SVIL: variants seen among roughly 807,000 people sequenced by gnomAD.
The protein encoded by SVIL is supervillin.
A neutral mutation model predicts 240.4 loss-of-function variants in SVIL; 101 were observed. The ratio of observed to expected loss-of-function variants is 0.42; its 90% CI spans 0.36 to 0.50. SVIL has a LOEUF of 0.50. SVIL is among the 20% of genes least tolerant of loss of function. The probability of loss-of-function intolerance (pLI) is 0.01; values close to 1 mark genes in which losing one functional copy is unlikely to be tolerated. For missense variants in SVIL, 2,512 were observed against 2,818.7 expected (o/e 0.89, Z 2.46); for synonymous variants, 999 against 1,100.0 (o/e 0.91, Z 1.82).
intron 3 of SVIL, among the ~76,000 whole-genome samples, chr10:29,557,465 G>T (rs76138189): frequency 2.6e-5 from 4 of 152,052 alleles, no homozygotes; most frequent in Admixed American, 2.6e-4. Flanking sequence ...AATAAACCGA[G>T]TATCATGTAA....
chr10:29,567,284 T>C (rs1455928587), intron 2 of SVIL, among the ~76,000 whole-genome samples: 1 of 152,210 alleles, frequency 6.6e-6, no homozygotes, highest in Non-Finnish European at 1.5e-5. Flanking sequence ...TCTCTGTTTT[T>C]CACAACGTGG....
At chr10:29,732,929 T>C (rs1315092362) in intron 1 of SVIL, among the ~76,000 whole-genome samples, 2 of 151,912 alleles carry the variant, frequency 1.3e-5, no homozygotes, top group Non-Finnish European at 2.9e-5. Context: ...GAAAGGGAAA[T>C]GGCTGAAAGG....
At chr10:29,625,170 A>G (rs1957815629) in intron 1 of SVIL, among the ~76,000 whole-genome samples, 6 of 152,310 alleles carry the variant, frequency 3.9e-5, no homozygotes, top group Admixed American at 3.3e-4. Context: ...ATCCAATGTT[A>G]CTAAACTCCT....
At chr10:29,667,936 C>G (rs79942878) in intron 2 of SVIL, among the ~76,000 whole-genome samples, 3,429 of 151,992 alleles carry the variant, frequency 0.023, 123 homozygotes, top group African/African-American at 0.074. Flanking sequence ...ATCTGACTTT[C>G]TAAAAGCAGC....
intron 1 of SVIL, among the ~76,000 whole-genome samples, chr10:29,699,550 C>T (rs1962345025): frequency 6.6e-6 from 1 of 152,184 alleles, no homozygotes. Context: ...ATGATCCACC[C>T]TCCTTGGCCT....
At chr10:29,637,272 G>A (rs1054012351), upstream of SVIL, among the ~76,000 whole-genome samples, 1 of 152,146 alleles carries the variant, frequency 6.6e-6, no homozygotes, top group Non-Finnish European at 1.5e-5. Flanking sequence ...ATCACCTGAG[G>A]TCAGGAGTTC....
At chr10:29,558,957 G>T (rs1954199907) in intron 3 of SVIL, among the ~76,000 whole-genome samples, 1 of 147,220 alleles carries the variant, frequency 6.8e-6, no homozygotes, top group African/African-American at 2.5e-5. Context: ...AAAAAATATG[G>T]TTTATATTAT....
In SVIL at chr10:29,490,910, C is replaced by T. The variant is rs143355529; in HGVS notation, c.4129G>A (p.Glu1377Lys). 2.5e-4 allele frequency: 405 copies of T among 1,614,000 alleles called. 7 individuals are homozygous for T. In the East Asian group the frequency reaches 7.7e-3, roughly 31 times the overall value. Reference sequence around the variant, plus strand: ...ACGTTTAATCTCTGCTCAGTGTATTCCTGAAGGAGATCTTCTCTTGCCGCC... The same window carrying T: ...ACGTTTAATCTCTGCTCAGTGTATTTCTGAAGGAGATCTTCTCTTGCCGCC... ...MLAAREDLLQ[E>K]YTEQRLNVAF... The change falls in exon 22 of 38, where the codon GAA becomes AAA. Residue 1377 changes from glutamate (E) to lysine (K), a missense_variant. Coordinates refer to ENST00000355867, the MANE Select transcript of SVIL (RefSeq NM_021738.3).
At position 29,551,083 on chromosome 10, in the gene SVIL, C is replaced by T. The variant is rs752184901; in HGVS notation, c.341G>A (p.Arg114Gln). Residue 114 changes from arginine (R) to glutamine (Q), a missense_variant, in exon 6 of 38, where the codon CGA (arginine) becomes CAA (glutamine). Physicochemically the swap from Arg to Gln is conservative, Grantham distance 43. This residue lies in a region of SVIL where 1,443 missense variants were observed against 1,486.6 expected (regional missense o/e 0.97). Coordinates refer to ENST00000355867, the MANE Select transcript of SVIL (RefSeq NM_021738.3). ...RIARYKAERR[R>Q]QLAEKYGLTL... ...CAGCCCATACTTCTCTGCCAGCTGT[C>T]GCCTTCTTTCTGCTTTGTACCTTGC... The T allele has an allele frequency of 4.3e-6, 7 of 1,614,028 alleles. No homozygotes were observed. The highest frequency in any genetic ancestry group is 2.2e-5 in the South Asian group (2 of 91,082).
At position 29,466,862 on chromosome 10, in the gene SVIL, A is replaced by G. The variant is rs139147310; in HGVS notation, c.5977+880T>C. Among the ~76,000 whole-genome samples the G allele has an allele frequency of 3.3e-4, 51 of 152,316 alleles. 1 individual carries two copies. In the East Asian group the frequency reaches 8.3e-3, roughly 25 times the overall value. On this transcript the variant is annotated intron_variant, in intron 33 of 37. Coordinates refer to ENST00000355867, the MANE Select transcript of SVIL (RefSeq NM_021738.3). The stretch of plus-strand genomic sequence containing the variant: ...TCATTTCTTTTTTTAACTTCTCCAT[A>G]ATTTCAAACGTTTTCTAGGCATTAT...
At position 29,466,704 on chromosome 10, in the gene SVIL, C is replaced by CT. The variant is rs577015356; in HGVS notation, c.5978-955dup. 4.7e-3 allele frequency among the ~76,000 whole-genome samples: 711 copies of CT among 152,034 alleles called. 5 individuals carry two copies. Among genetic ancestry groups the CT allele is most frequent in the African/African-American group, 0.016 (668 of 41,472 alleles). On this transcript the variant is annotated intron_variant, in intron 33 of 37. Transcript: ENST00000355867. ...CCATTAGAAATCTAAATTTTAATAA[C>CT]TTGGGAAATTATTCATTATAAAGGA...
chr10:29,489,160 C>T (rs1266854003), intron 22 of SVIL, among the ~76,000 whole-genome samples: 1 of 152,178 alleles, frequency 6.6e-6, no homozygotes, highest in African/African-American at 2.4e-5. Context: ...CACCAAAAGC[C>T]TTTATACATA....
chr10:29,617,133 C>T (rs1399359087), intron 1 of SVIL, among the ~76,000 whole-genome samples: 1 of 152,138 alleles, frequency 6.6e-6, no homozygotes, highest in Non-Finnish European at 1.5e-5. Context: ...GTTGCTTCCG[C>T]ACAATTGTTC....
At chr10:29,531,920 A>T (rs1192384166) in intron 9 of SVIL, 82 bp downstream of exon 9, 3 of 1,457,448 alleles carry the variant, frequency 2.1e-6, no homozygotes. Flanking sequence ...CTATATAAAT[A>T]GCGTCAAGAC....
intron 16 of SVIL, among the ~76,000 whole-genome samples, chr10:29,519,403 C>G (rs913246332): frequency 6.6e-6 from 1 of 152,024 alleles, no homozygotes; most frequent in African/African-American, 2.4e-5. Context: ...CAGTCAGAGG[C>G]GGTTAGAATA....
intron 3 of SVIL, among the ~76,000 whole-genome samples, chr10:29,648,824 A>AC (rs1409383418): frequency 6.6e-6 from 1 of 151,998 alleles, no homozygotes; most frequent in East Asian, 1.9e-4. Context: ...GGAAAAAAAA[A>AC]AAAAGATTCT....
At chr10:29,706,201 T>C (rs910260472) in intron 1 of SVIL, among the ~76,000 whole-genome samples, 7 of 152,236 alleles carry the variant, frequency 4.6e-5, no homozygotes, top group Admixed American at 6.5e-5. Context: ...GGTCAAATGG[T>C]ATTTCTGGTT....
Position 29,495,307 on chromosome 10 carries a change from GCACA to G in SVIL, c.3665-130_3665-127del, listed in dbSNP as rs143476332. On this transcript the variant is annotated intron_variant, in intron 18 of 37. Coordinates refer to ENST00000355867, the MANE Select transcript of SVIL (RefSeq NM_021738.3). ...CATATAAGAATTTACACACATGCAG[GCACA>G]CACACACACATTTCACACGTACCAC... 4 of 558,110 alleles carry G rather than the reference GCACA, an allele frequency of 7.2e-6. No homozygotes were observed. In the Admixed American group the frequency reaches 9.6e-5, roughly 13 times the overall value. The allele number at this position is 558,110 out of a possible 1,614,324, so 34.6% of individuals were successfully genotyped here. A position where few individuals can be genotyped will look rare whatever the true frequency, so the allele number is the denominator to read the frequency against.
intron 1 of SVIL, among the ~76,000 whole-genome samples, chr10:29,586,810 T>A (rs1008423412): frequency 3.9e-5 from 6 of 152,134 alleles, no homozygotes; most frequent in African/African-American, 1.4e-4. Flanking sequence ...CAAATACTAC[T>A]TGTTCTCACT....
Sources: allele counts gnomAD v4.1 joint callset (sites outside exome capture counted in the v4.1 genomes callset), GRCh38; gene constraint gnomAD v4.1.1; regional missense constraint gnomAD v4.1.1; transcripts MANE v1.5; gene names NCBI Gene and HGNC (gene_info 2026-07-23, HGNC 2026-07-21).